Variants in DOCK4 observed in about 807,000 individuals in gnomAD.
The protein encoded by DOCK4 is dedicator of cytokinesis 4.
In DOCK4, 97 loss-of-function variants were observed where a neutral mutation model predicts 268.1. That is an observed-to-expected ratio of 0.36 (90% CI 0.31 to 0.43). DOCK4 has a LOEUF of 0.43. DOCK4 is among the 20% of genes least tolerant of loss of function. The pLI is 1.00. For missense variants in DOCK4, 2,145 were observed against 2,455.7 expected (o/e 0.87, Z 2.67); for synonymous variants, 954 against 887.2 (o/e 1.08, Z -1.34).
In DOCK4 at chr7:111,877,098, G is replaced by C; in HGVS notation, c.1676C>G (p.Ala559Gly). ...AAAGGACTCCTTTGTGGCCTTCATG[G>C]CTTGATTATTATTCCCAAGGAAAAT... is the stretch of plus-strand genomic sequence containing the variant. ...KGIFLGNNNQ[A>G]MKATKESFCI... Residue 559 changes from alanine (A) to glycine (G), a missense_variant, in exon 17 of 53, where the codon GCC (alanine) becomes GGC (glycine). By Grantham distance (60) the Ala-to-Gly change is moderately conservative. Coordinates refer to ENST00000428084, the MANE Select transcript of DOCK4 (RefSeq NM_001363540.2). 6.3e-7 allele frequency: 1 copy of C among 1,592,986 alleles called. No individual in the cohort carries two copies. The highest frequency in any genetic ancestry group is 8.5e-7 in the Non-Finnish European group (1 of 1,170,546).
chr7:112,044,804 T>A (rs1265740590), intron 1 of DOCK4, among the ~76,000 whole-genome samples: 1 of 152,078 alleles, frequency 6.6e-6, no homozygotes, highest in South Asian at 2.1e-4. Flanking sequence ...TTAACATAAA[T>A]CCTGAGTTGA....
chr7:111,871,812 A>AT (rs1475899367), intron 20 of DOCK4, among the ~76,000 whole-genome samples, 178 bp downstream of exon 20: 1 of 152,218 alleles, frequency 6.6e-6, no homozygotes. Context: ...TTTAATCAAA[A>AT]TAAGTTCTAC....
intron 30 of DOCK4, chr7:111,807,611 A>T (rs1324157950): frequency 1.3e-5 from 2 of 151,944 alleles, no homozygotes; most frequent in African/African-American, 4.8e-5. Context: ...AGTAGCTGAG[A>T]TTACAGGCAC....
rs1221190317 is a variant in DOCK4 at position 111,753,057 on chromosome 7, C to CCTTTGGTGCCACATGT, written c.4416+2442_4416+2457dup. Among the ~76,000 whole-genome samples the CCTTTGGTGCCACATGT allele has an allele frequency of 8.9e-5, 13 of 146,602 alleles. No individual in the cohort carries two copies. The East Asian group carries it at 2.6e-3, about 29-fold the overall frequency. On this transcript the variant is annotated intron_variant, in intron 42 of 52. Transcript: ENST00000428084. ...TAAAGGTCCCCAATTTCATCTGAAA[C>CCTTTGGTGCCACATGT]CTTTGGTGCCACATGTTTCAGAATG...
intron 13 of DOCK4, among the ~76,000 whole-genome samples, chr7:111,915,086 GA>G: frequency 6.6e-6 from 1 of 152,260 alleles, no homozygotes. Context: ...AACACACTCA[GA>G]AAACCCTAAA....
Position 111,844,543 on chromosome 7 carries a change from G to T in DOCK4, c.2736+220C>A, listed in dbSNP as rs181933190. On this transcript the variant is annotated intron_variant, in intron 25 of 52. Coordinates refer to ENST00000428084, the MANE Select transcript of DOCK4 (RefSeq NM_001363540.2). ...GCATGGTATGACTAATATCAAAGCT[G>T]GCTTTCTGCAATTAAAAACTGCTTA... Among the ~76,000 whole-genome samples, 5 of 152,296 alleles carry T rather than the reference G, an allele frequency of 3.3e-5. No individual in the cohort carries two copies. The East Asian group carries it at 7.7e-4, about 24-fold the overall frequency.
intron 1 of DOCK4, among the ~76,000 whole-genome samples, chr7:112,050,572 G>T (rs918783935): frequency 6.6e-6 from 1 of 152,086 alleles, no homozygotes; most frequent in African/African-American, 2.4e-5. Flanking sequence ...TGATATAAAT[G>T]ACTAATAACA....
chr7:112,040,024 A>C (rs1005881988), intron 1 of DOCK4, among the ~76,000 whole-genome samples: 1 of 152,186 alleles, frequency 6.6e-6, no homozygotes, highest in African/African-American at 2.4e-5. Context: ...CAGACTTATA[A>C]CTTACCTTGC....
chr7:112,086,129 C>A (rs1314620098), intron 1 of DOCK4, among the ~76,000 whole-genome samples: 1 of 151,952 alleles, frequency 6.6e-6, no homozygotes, highest in Non-Finnish European at 1.5e-5. Context: ...AAAGAAAGAT[C>A]AGACATGGAT....
intron 10 of DOCK4, among the ~76,000 whole-genome samples, 154 bp downstream of exon 10, chr7:111,944,657 G>A (rs1795475445): frequency 1.3e-5 from 2 of 152,172 alleles, no homozygotes; most frequent in South Asian, 4.1e-4. Context: ...GGGAAGGTCT[G>A]GGGACAATTC....
rs753375411 is a variant in DOCK4, at chr7:111,863,509, T to A, written c.2336A>T (p.Asp779Val). The change falls in exon 23 of 53, where the codon GAT (aspartate) becomes GTT (valine). Residue 779 changes from aspartate (D) to valine (V), a missense_variant. Transcript: ENST00000428084. ...AVYSELLKLF[D>V]VREVANLVQD... ...GACCAAGTTGGCTACTTCCCGGACA[T>A]CAAAGAGCTTCAACAGTTCTGAGTA... 14 of 1,613,630 alleles carry A rather than the reference T, an allele frequency of 8.7e-6. 1 individual carries two copies.
chr7:112,007,532 A>G (rs536595840), intron 1 of DOCK4, among the ~76,000 whole-genome samples: 6 of 152,356 alleles, frequency 3.9e-5, no homozygotes, highest in East Asian at 3.9e-4. Flanking sequence ...GTCACTCTCA[A>G]TCACTGAGTT....
chr7:112,069,336 A>C (rs1163016046), intron 1 of DOCK4, among the ~76,000 whole-genome samples: 1 of 152,158 alleles, frequency 6.6e-6, no homozygotes, highest in South Asian at 2.1e-4. Context: ...CACTCAACCA[A>C]CTATTAATGA....
At chr7:111,867,404 G>A (rs1374048839) in intron 22 of DOCK4, among the ~76,000 whole-genome samples, 3 of 152,100 alleles carry the variant, frequency 2.0e-5, no homozygotes, top group East Asian at 1.9e-4. Context: ...TTACCTCATG[G>A]AACATATTCA....
intron 1 of DOCK4, among the ~76,000 whole-genome samples, chr7:112,112,414 C>T (rs180836583): frequency 2.0e-5 from 3 of 151,976 alleles, no homozygotes; most frequent in African/African-American, 7.3e-5. Context: ...AAGGCCGAGG[C>T]GGGCAGATCA....
At chr7:112,077,857 G>T (rs975859979) in intron 1 of DOCK4, among the ~76,000 whole-genome samples, 1 of 151,912 alleles carries the variant, frequency 6.6e-6, no homozygotes, top group African/African-American at 2.4e-5. Context: ...TCAGTTAATA[G>T]GTTTGCTAAA....
intron 1 of DOCK4, among the ~76,000 whole-genome samples, chr7:112,189,937 T>C (rs552139654): frequency 5.3e-5 from 8 of 152,162 alleles, no homozygotes; most frequent in African/African-American, 1.7e-4. Context: ...AGAACCACAA[T>C]GTATGTTTCA....
At chr7:111,991,895 A>C (rs1799562402) in intron 5 of DOCK4, among the ~76,000 whole-genome samples, 1 of 139,308 alleles carries the variant, frequency 7.2e-6, no homozygotes, top group Non-Finnish European at 1.5e-5. Context: ...CAGAAGGCGG[A>C]GCTTGCAGTG....
chr7:112,084,406 T>C (rs1427820473), intron 1 of DOCK4, among the ~76,000 whole-genome samples: 1 of 152,186 alleles, frequency 6.6e-6, no homozygotes, highest in Non-Finnish European at 1.5e-5. Context: ...AAAATTTCAT[T>C]TATACAGAGA....
Sources: gnomAD v4.1 joint callset for allele counts (sites outside exome capture counted in the v4.1 genomes callset) on GRCh38, gnomAD v4.1.1 for gene constraint, MANE v1.5 for transcripts, NCBI Gene and HGNC (gene_info 2026-07-23, HGNC 2026-07-21) for gene names.